Variants in DTNA observed in about 807,000 individuals in gnomAD.
The protein encoded by DTNA is dystrophin-related protein 3.
DTNA carries 43 observed loss-of-function variants against 100.7 expected under a neutral mutation model. The ratio of observed to expected loss-of-function variants is 0.43; its 90% CI spans 0.33 to 0.55. The LOEUF is 0.55. Among genes scored for constraint, DTNA ranks in the 20% least tolerant of loss-of-function variants. DTNA has a pLI of 0.04. For synonymous variants in DTNA, 349 were observed against 347.9 expected (o/e 1.00, Z -0.04); for missense variants, 798 against 953.9 (o/e 0.84, Z 2.15).
chr18:34,816,082 T>G, intron 7 of DTNA, 68 bp downstream of exon 7: 1 of 1,478,748 alleles, frequency 6.8e-7, no homozygotes, highest in Non-Finnish European at 9.4e-7. Flanking sequence ...GTTCTACAGT[T>G]AGTAAGCCCA....
At chr18:34,540,242 A>G (rs1454936225) in intron 1 of DTNA, among the ~76,000 whole-genome samples, 1 of 152,014 alleles carries the variant, frequency 6.6e-6, no homozygotes, top group African/African-American at 2.4e-5. Context: ...TCATATAAGA[A>G]AAGGGATTTT....
intron 1 of DTNA, among the ~76,000 whole-genome samples, chr18:34,528,693 C>T (rs2042873590): frequency 6.6e-6 from 1 of 151,900 alleles, no homozygotes; most frequent in South Asian, 2.1e-4. Flanking sequence ...GAAGAAAATG[C>T]CTTTCCTTCA....
At chr18:34,604,100 C>T (rs1473553214) in intron 1 of DTNA, among the ~76,000 whole-genome samples, 4 of 152,110 alleles carry the variant, frequency 2.6e-5, no homozygotes, top group Non-Finnish European at 4.4e-5. Context: ...AACTGTTATA[C>T]TACCAGCAAC....
chr18:34,756,652 C>T (rs1022353715), intron 2 of DTNA, among the ~76,000 whole-genome samples: 6 of 152,126 alleles, frequency 3.9e-5, no homozygotes, highest in Admixed American at 1.3e-4. Context: ...ACAAGGGAAA[C>T]CAAACTAAGT....
chr18:34,789,408 C>T (rs1358600153), intron 3 of DTNA, among the ~76,000 whole-genome samples: 2 of 152,216 alleles, frequency 1.3e-5, no homozygotes, highest in Non-Finnish European at 2.9e-5. Flanking sequence ...GCATAAAGAG[C>T]CAAATCCTTA....
intron 1 of DTNA, among the ~76,000 whole-genome samples, chr18:34,731,451 A>G (rs1347857905): frequency 2.0e-5 from 3 of 151,974 alleles, no homozygotes; most frequent in Non-Finnish European, 4.4e-5. Flanking sequence ...TGCAGTCCGC[A>G]GTCCAGCCTG....
intron 11 of DTNA, 81 bp from the exon 12 acceptor site, chr18:34,838,013 G>A: frequency 2.5e-6 from 3 of 1,207,748 alleles, no homozygotes; most frequent in Non-Finnish European, 3.7e-6. Flanking sequence ...ATCTAGACTT[G>A]GGAGTGTCTG....
At chr18:34,521,743 C>G (rs1246923587) in intron 1 of DTNA, among the ~76,000 whole-genome samples, 1 of 152,208 alleles carries the variant, frequency 6.6e-6, no homozygotes, top group African/African-American at 2.4e-5. Flanking sequence ...ACACAGGTCT[C>G]TGTTCACATA....
intron 1 of DTNA, among the ~76,000 whole-genome samples, chr18:34,704,385 C>T (rs1188702717): frequency 1.3e-5 from 2 of 152,130 alleles, no homozygotes; most frequent in Non-Finnish European, 2.9e-5. Flanking sequence ...AGAATGTGTA[C>T]TGTGCTGATG....
In DTNA at chr18:34,693,719, C is replaced by A. The variant is rs542590793; in HGVS notation, c.-1-62257C>A. On this transcript the variant is annotated intron_variant, in intron 1 of 19. Coordinates refer to the DTNA transcript ENST00000283365. ...GAAAAACAGAAATGTCTTTCTGGAC[C>A]ACATCCTGCTTGTCATCTTGTGTGC... Among the ~76,000 whole-genome samples the A allele has an allele frequency of 4.6e-5, 7 of 150,584 alleles. No individual in the cohort carries two copies. In the South Asian group the frequency reaches 8.5e-4, roughly 18 times the overall value.
intron 2 of DTNA, among the ~76,000 whole-genome samples, chr18:34,762,191 C>T (rs549944445): frequency 3.7e-4 from 57 of 152,230 alleles, no homozygotes; most frequent in Non-Finnish European, 5.1e-4. Context: ...TCAGCTAATA[C>T]GCTTTTTAAT....
At chr18:34,831,965 C>G (rs963000000) in intron 11 of DTNA, among the ~76,000 whole-genome samples, 2 of 152,120 alleles carry the variant, frequency 1.3e-5, no homozygotes, top group Non-Finnish European at 2.9e-5. Flanking sequence ...GTGCCTTTTT[C>G]ATTTTTAAAA....
chr18:34,562,095 T>A (rs2046692763), intron 1 of DTNA, among the ~76,000 whole-genome samples: 1 of 152,204 alleles, frequency 6.6e-6, no homozygotes, highest in Non-Finnish European at 1.5e-5. Flanking sequence ...GTAAAATAAG[T>A]TTGGAGCCAT....
At chr18:34,712,260 G>A (rs984864710) in intron 1 of DTNA, among the ~76,000 whole-genome samples, 2 of 152,062 alleles carry the variant, frequency 1.3e-5, no homozygotes, top group African/African-American at 4.8e-5. Context: ...CGCCGGTACT[G>A]GAAAGGGTTA....
intron 1 of DTNA, among the ~76,000 whole-genome samples, chr18:34,541,339 G>A (rs1181559263): frequency 6.6e-6 from 1 of 152,056 alleles, no homozygotes; most frequent in Non-Finnish European, 1.5e-5. Context: ...GAACTGATAT[G>A]ATTTGGCTGT....
upstream of DTNA, among the ~76,000 whole-genome samples, chr18:34,707,831 C>G (rs950158945): frequency 1.3e-5 from 2 of 152,174 alleles, no homozygotes; most frequent in Non-Finnish European, 2.9e-5. Flanking sequence ...TCCGGTGTAG[C>G]TGCTCCTTGC....
chr18:34,868,719 G>A (rs964203863), intron 17 of DTNA: 31 of 985,014 alleles, frequency 3.1e-5, no homozygotes, highest in East Asian at 1.1e-4. Context: ...TATCCCTCTC[G>A]AGGAGAGAAC....
intron 1 of DTNA, among the ~76,000 whole-genome samples, chr18:34,550,839 G>GA (rs1221013745): frequency 6.6e-6 from 1 of 151,924 alleles, no homozygotes; most frequent in African/African-American, 2.4e-5. Flanking sequence ...CTCTTTAAAG[G>GA]AAAAAAATTT....
chr18:34,538,614 T>TA (rs1387562005), intron 1 of DTNA, among the ~76,000 whole-genome samples: 2 of 151,734 alleles, frequency 1.3e-5, no homozygotes, highest in Non-Finnish European at 2.9e-5. Flanking sequence ...AGCAAGAAAA[T>TA]AAAAAAATCT....
Sources: gnomAD v4.1 joint callset for allele counts (sites outside exome capture counted in the v4.1 genomes callset) on GRCh38, gnomAD v4.1.1 for gene constraint, MANE v1.5 for transcripts, NCBI Gene and HGNC (gene_info 2026-07-23, HGNC 2026-07-21) for gene names.